The following DGKB variants were observed in gnomAD, a reference collection of about 807,000 sequenced individuals.
DGKB encodes the protein diacylglycerol kinase beta.
In DGKB, 67 loss-of-function variants were observed where a neutral mutation model predicts 114.3. That is an observed-to-expected ratio of 0.59 (90% CI 0.48 to 0.72). The LOEUF (loss-of-function observed/expected upper bound fraction) is 0.72, where lower values mean the gene tolerates loss of function less well. Ranked by LOEUF, DGKB falls within the 30% of genes least tolerant of loss-of-function variation. The pLI, the probability that DGKB is intolerant of heterozygous loss-of-function variation, is 0.00. For synonymous variants in DGKB, 398 were observed against 323.1 expected, an observed-to-expected ratio of 1.23 and a Z score of -2.49; for missense variants, 907 against 975.2, an observed-to-expected ratio of 0.93 and a Z score of 0.93.
intron 1 of DGKB, among the ~76,000 whole-genome samples, chr7:14,873,240 C>T (rs1852752731): frequency 6.6e-6 from 1 of 152,112 alleles, no homozygotes; most frequent in Non-Finnish European, 1.5e-5. Flanking sequence ...GGGCTAGCAT[C>T]CCTTTCTATT....
At chr7:14,743,862 A>G (rs1389908250) in intron 4 of DGKB, among the ~76,000 whole-genome samples, 2 of 152,158 alleles carry the variant, frequency 1.3e-5, no homozygotes, top group African/African-American at 2.4e-5. Flanking sequence ...AAGATGGTTA[A>G]TAATCAGCTA....
chr7:14,848,913 A>C (rs1848989374), intron 1 of DGKB, among the ~76,000 whole-genome samples: 1 of 151,962 alleles, frequency 6.6e-6, no homozygotes, highest in Non-Finnish European at 1.5e-5. Flanking sequence ...TCTTTTCAAA[A>C]GCATCAGTTT....
At chr7:14,325,044 T>G (rs1808479395) in intron 23 of DGKB, among the ~76,000 whole-genome samples, 1 of 152,210 alleles carries the variant, frequency 6.6e-6, no homozygotes, top group Admixed American at 6.5e-5. Context: ...GCCCATTACC[T>G]GTTCTCTGTC....
At chr7:14,273,172 C>A (rs573826786) in intron 23 of DGKB, among the ~76,000 whole-genome samples, 1 of 151,942 alleles carries the variant, frequency 6.6e-6, no homozygotes, top group African/African-American at 2.4e-5. Context: ...TGGTGAAACC[C>A]CAACTCTACA....
intron 20 of DGKB, among the ~76,000 whole-genome samples, chr7:14,554,118 C>A (rs188921257): frequency 1.3e-5 from 2 of 151,906 alleles, no homozygotes; most frequent in Non-Finnish European, 2.9e-5. Context: ...GTGATCTGCC[C>A]ACCTCGGCCT....
chr7:14,955,527 CT>C (rs1786452711), intron 1 of DGKB, among the ~76,000 whole-genome samples: 1 of 152,004 alleles, frequency 6.6e-6, no homozygotes, highest in Non-Finnish European at 1.5e-5. Flanking sequence ...TCAGAGGCAT[CT>C]CAGAAGAATG....
At chr7:14,415,066 T>A (rs1825497590) in intron 21 of DGKB, among the ~76,000 whole-genome samples, 1 of 151,888 alleles carries the variant, frequency 6.6e-6, no homozygotes, top group Admixed American at 6.6e-5. Context: ...AAATATGTAT[T>A]TCTAAAAGTA....
In DGKB at chr7:14,685,198, T is replaced by G. The variant is rs753515212; in HGVS notation, c.829+47A>C. 2.4e-6 allele frequency: 3 copies of G among 1,270,960 alleles called. No homozygotes were observed. The Admixed American group carries it at 5.1e-5, about 22-fold the overall frequency. The allele number at this position is 1,270,960 out of a possible 1,614,324, so 78.7% of individuals were successfully genotyped here. On this transcript the variant is annotated intron_variant, in intron 10 of 25. Transcript: ENST00000402815. ...ATAAGACTATTCCATGAAATCAACC[T>G]TTCCTCACTTGAGGAGATGATGTCC...
intron 20 of DGKB, among the ~76,000 whole-genome samples, chr7:14,544,663 T>C (rs945071771): frequency 4.6e-5 from 7 of 152,144 alleles, no homozygotes; most frequent in African/African-American, 1.7e-4. Context: ...AAATTCTCAA[T>C]TATATTAGTC....
chr7:14,646,835 G>A (rs1440536664), intron 13 of DGKB, among the ~76,000 whole-genome samples: 2 of 151,814 alleles, frequency 1.3e-5, no homozygotes, highest in Non-Finnish European at 2.9e-5. Context: ...GAAGTGCTAA[G>A]AGGGAAGATT....
intron 20 of DGKB, among the ~76,000 whole-genome samples, chr7:14,532,139 C>T (rs909805413): frequency 6.6e-6 from 1 of 150,946 alleles, no homozygotes; most frequent in South Asian, 2.1e-4. Flanking sequence ...TCTTCACGAC[C>T]TTTGGGTTAG....
intron 23 of DGKB, among the ~76,000 whole-genome samples, chr7:14,193,046 A>G (rs1470058077): frequency 6.6e-6 from 1 of 151,864 alleles, no homozygotes; most frequent in Non-Finnish European, 1.5e-5. Context: ...GGGAGCAGCT[A>G]TAAAATACAG....
chr7:14,439,670 C>A (rs1348631510), intron 21 of DGKB, among the ~76,000 whole-genome samples: 2 of 151,636 alleles, frequency 1.3e-5, no homozygotes, highest in East Asian at 3.9e-4. Flanking sequence ...TTGAGACCAG[C>A]CTTGCCAACA....
Position 14,151,895 on chromosome 7 carries a change from G to A in DGKB, c.2305-2657C>T, listed in dbSNP as rs577419162. Reference sequence around the variant, plus strand: ...TATTTACATGTCTTGGTATATTTGGGCAGAAGCAAAATCCTACGAGAGTAA... The same window carrying A: ...TATTTACATGTCTTGGTATATTTGGACAGAAGCAAAATCCTACGAGAGTAA... On this transcript the variant is annotated intron_variant, in intron 25 of 25. Transcript: ENST00000402815. Among the ~76,000 whole-genome samples, 120 of 152,048 alleles carry A rather than the reference G, an allele frequency of 7.9e-4. 2 individuals are homozygous for A. Among genetic ancestry groups the A allele is most frequent in the African/African-American group, 2.7e-3 (113 of 41,502 alleles).
intron 20 of DGKB, among the ~76,000 whole-genome samples, chr7:14,531,354 G>C (rs1791554944): frequency 6.6e-6 from 1 of 151,320 alleles, no homozygotes; most frequent in East Asian, 1.9e-4. Flanking sequence ...AAATAAGTTT[G>C]GCAAGGGCAC....
At chr7:14,319,615 G>C (rs1807345144) in intron 23 of DGKB, among the ~76,000 whole-genome samples, 1 of 152,102 alleles carries the variant, frequency 6.6e-6, no homozygotes, top group African/African-American at 2.4e-5. Context: ...GAGACTAAAA[G>C]TTTGAGAACC....
intron 2 of DGKB, among the ~76,000 whole-genome samples, chr7:14,802,686 T>C (rs910910825): frequency 2.0e-5 from 3 of 152,118 alleles, no homozygotes; most frequent in African/African-American, 7.2e-5. Flanking sequence ...CACAAAGATT[T>C]AACAAATGTT....
chr7:14,472,015 A>C (rs1242605050), intron 21 of DGKB, among the ~76,000 whole-genome samples: 1 of 152,200 alleles, frequency 6.6e-6, no homozygotes, highest in African/African-American at 2.4e-5. Context: ...GCGTGGATTT[A>C]AACAGTATTA....
At chr7:14,369,370 G>T (rs937135190) in intron 21 of DGKB, among the ~76,000 whole-genome samples, 3 of 152,122 alleles carry the variant, frequency 2.0e-5, no homozygotes, top group African/African-American at 7.2e-5. Context: ...GAACAGTGCT[G>T]CAATAAACAT....
Sources: allele counts gnomAD v4.1 joint callset (sites outside exome capture counted in the v4.1 genomes callset), GRCh38; gene constraint gnomAD v4.1.1; transcripts MANE v1.5; gene names NCBI Gene and HGNC (gene_info 2026-07-23, HGNC 2026-07-21).